TAFA1: variants seen among roughly 807,000 people sequenced by gnomAD.
TAFA1 encodes the protein TAFA chemokine like family member 1.
Under a neutral mutation model 18.5 loss-of-function variants are expected in TAFA1, and 4 were observed. The observed-to-expected ratio is 0.22, with a 90% CI of 0.11 to 0.49. TAFA1 has a LOEUF of 0.49. Ranked by LOEUF, TAFA1 falls within the 20% of genes least tolerant of loss-of-function variation. TAFA1 has a pLI of 0.98. For synonymous variants in TAFA1, 56 were observed against 55.2 expected (o/e 1.01, Z -0.06); for missense variants, 147 against 169.0 (o/e 0.87, Z 0.72).
intron 2 of TAFA1, among the ~76,000 whole-genome samples, chr3:68,107,737 G>A (rs2065219219): frequency 6.6e-6 from 1 of 152,094 alleles, no homozygotes; most frequent in Non-Finnish European, 1.5e-5. Context: ...GTTTCCAGGA[G>A]TGGCTGCATT....
chr3:68,401,555 C>T (rs2070491709), intron 2 of TAFA1, among the ~76,000 whole-genome samples: 1 of 152,230 alleles, frequency 6.6e-6, no homozygotes, highest in African/African-American at 2.4e-5. Context: ...CATTCTCCTA[C>T]AGGCTTTTCC....
intron 4 of TAFA1, among the ~76,000 whole-genome samples, chr3:68,540,990 G>A (rs1385740558): frequency 6.6e-6 from 1 of 152,074 alleles, no homozygotes; most frequent in Non-Finnish European, 1.5e-5. Context: ...TACCTCCCTG[G>A]GTGGGCTGAA....
chr3:68,004,063 T>G (rs1219315110), upstream of TAFA1, among the ~76,000 whole-genome samples: 3 of 152,258 alleles, frequency 2.0e-5, no homozygotes, highest in Non-Finnish European at 2.9e-5. Flanking sequence ...CCCTCTTTAC[T>G]CTTTTGTTAA....
chr3:68,161,406 A>G (rs1163366246), intron 2 of TAFA1, among the ~76,000 whole-genome samples: 28 of 152,208 alleles, frequency 1.8e-4, no homozygotes, highest in Admixed American at 1.8e-3. Flanking sequence ...GTGTCTCTTG[A>G]AAATGATAAG....
intron 2 of TAFA1, among the ~76,000 whole-genome samples, chr3:68,285,202 A>C (rs2067973573): frequency 6.6e-6 from 1 of 152,242 alleles, no homozygotes; most frequent in African/African-American, 2.4e-5. Context: ...GTCCATTGAT[A>C]TGAATTGCAA....
At chr3:68,081,245 G>C (rs576214367) in intron 2 of TAFA1, among the ~76,000 whole-genome samples, 1 of 151,884 alleles carries the variant, frequency 6.6e-6, no homozygotes, top group African/African-American at 2.4e-5. Flanking sequence ...CAACTTCTTT[G>C]CCTTTGGTTT....
At chr3:68,486,077 ATTTTATTTTATTTTATTTTATTTTG>A (rs1343226793) in intron 3 of TAFA1, among the ~76,000 whole-genome samples, 54 of 39,816 alleles carry the variant, frequency 1.4e-3, no homozygotes, top group African/African-American at 5.6e-3. Flanking sequence ...TTTTATTTTT[ATTTTATTTTATTTTATTTTATTTTG>A]TTTTATTTTA....
intron 3 of TAFA1, among the ~76,000 whole-genome samples, chr3:68,425,085 G>C (rs186165636): frequency 2.7e-3 from 416 of 152,000 alleles, no homozygotes; most frequent in Admixed American, 4.1e-3. Flanking sequence ...GTGACATGTC[G>C]GGCTCAACTG....
At chr3:68,197,125 T>A (rs951124291) in intron 2 of TAFA1, among the ~76,000 whole-genome samples, 1 of 151,754 alleles carries the variant, frequency 6.6e-6, no homozygotes, top group African/African-American at 2.4e-5. Context: ...ACCCCAGCAG[T>A]AATTGGTAAA....
At chr3:68,242,585 T>C (rs2067013311) in intron 2 of TAFA1, among the ~76,000 whole-genome samples, 1 of 152,174 alleles carries the variant, frequency 6.6e-6, no homozygotes, top group Non-Finnish European at 1.5e-5. Context: ...CATCACCTAG[T>C]TTAATTGCCA....
rs765000916 is a variant in TAFA1, at chr3:68,068,533, C to T, written c.118+61789C>T. Among the ~76,000 whole-genome samples the T allele has an allele frequency of 9.9e-5, 15 of 152,128 alleles. 1 individual carries two copies. The highest frequency in any genetic ancestry group is 1.8e-4 in the Non-Finnish European group (12 of 68,026). On this transcript the variant is annotated intron_variant, in intron 2 of 4. Coordinates refer to ENST00000478136, the MANE Select transcript of TAFA1 (RefSeq NM_213609.4). ...CTTGGGGTCATATTACTTAAGTAGG[C>T]GCCACTATTCTCAGGAATAGAACTG...
intron 2 of TAFA1, among the ~76,000 whole-genome samples, chr3:68,311,825 C>G (rs2068523512): frequency 1.3e-5 from 2 of 152,236 alleles, no homozygotes; most frequent in African/African-American, 4.8e-5. Context: ...CACAGCTCCA[C>G]TAGGAGTGCC....
chr3:68,141,117 T>C (rs2065662804), intron 2 of TAFA1, among the ~76,000 whole-genome samples: 1 of 152,192 alleles, frequency 6.6e-6, no homozygotes, highest in Admixed American at 6.5e-5. Flanking sequence ...CTTCTGGCAT[T>C]AATAACCTCA....
chr3:68,323,743 T>A (rs2068729265), intron 2 of TAFA1, among the ~76,000 whole-genome samples: 1 of 152,198 alleles, frequency 6.6e-6, no homozygotes, highest in Non-Finnish European at 1.5e-5. Context: ...TGAAGCAGCA[T>A]GACATGAGGC....
At chr3:68,226,087 A>G (rs1439643147) in intron 2 of TAFA1, among the ~76,000 whole-genome samples, 1 of 152,240 alleles carries the variant, frequency 6.6e-6, no homozygotes, top group African/African-American at 2.4e-5. Context: ...TTACTTGTTC[A>G]AAGAAAGACC....
At chr3:68,030,183 T>C (rs141278004) in intron 2 of TAFA1, among the ~76,000 whole-genome samples, 1 of 152,244 alleles carries the variant, frequency 6.6e-6, no homozygotes, top group Admixed American at 6.5e-5. Flanking sequence ...CAAACAGTAA[T>C]ATCACAACAG....
At chr3:68,229,252 T>A (rs2066841585) in intron 2 of TAFA1, among the ~76,000 whole-genome samples, 1 of 152,238 alleles carries the variant, frequency 6.6e-6, no homozygotes, top group Non-Finnish European at 1.5e-5. Flanking sequence ...GATCTGCTAT[T>A]GCTCTTTCTC....
chr3:68,334,034 C>T (rs1158772933), intron 2 of TAFA1, among the ~76,000 whole-genome samples: 2 of 152,014 alleles, frequency 1.3e-5, no homozygotes, highest in African/African-American at 2.4e-5. Flanking sequence ...TCTAAGGGTA[C>T]AAAACTTTCA....
chr3:68,057,185 A>G (rs148305563), intron 2 of TAFA1, among the ~76,000 whole-genome samples: 13 of 152,134 alleles, frequency 8.5e-5, no homozygotes, highest in African/African-American at 3.1e-4. Flanking sequence ...AGGAATAGAA[A>G]CTCATAGTTT....
Sources: allele counts gnomAD v4.1 joint callset (sites outside exome capture counted in the v4.1 genomes callset), GRCh38; gene constraint gnomAD v4.1.1; transcripts MANE v1.5; gene names NCBI Gene and HGNC (gene_info 2026-07-23, HGNC 2026-07-21).